CDH13: variants seen among roughly 807,000 people sequenced by gnomAD.
The protein encoded by CDH13 is cadherin-13.
A neutral mutation model predicts 63.8 loss-of-function variants in CDH13; 24 were observed. The ratio of observed to expected loss-of-function variants is 0.38; its 90% CI spans 0.27 to 0.53. The LOEUF is 0.53. CDH13 is among the 20% of genes least tolerant of loss of function. The pLI is 0.85. For missense variants in CDH13, 1,049 were observed against 903.1 expected (o/e 1.16, Z -2.07); for synonymous variants, 503 against 355.3 (o/e 1.42, Z -4.67).
intron 4 of CDH13, among the ~76,000 whole-genome samples, chr16:83,157,979 G>A (rs2037283397): frequency 6.6e-6 from 1 of 152,020 alleles, no homozygotes; most frequent in South Asian, 2.1e-4. Flanking sequence ...GATTGTTCTA[G>A]AAAAGAGCAC....
At chr16:82,678,786 G>C (rs949544789) in intron 1 of CDH13, among the ~76,000 whole-genome samples, 2 of 152,154 alleles carry the variant, frequency 1.3e-5, no homozygotes, top group Admixed American at 1.3e-4. Flanking sequence ...AGTGTGGGAA[G>C]TTTCTCTCTT....
chr16:82,715,252 C>A (rs2032278915), intron 1 of CDH13, among the ~76,000 whole-genome samples: 1 of 151,980 alleles, frequency 6.6e-6, no homozygotes, highest in South Asian at 2.1e-4. Flanking sequence ...AAAAGCCAGT[C>A]TAATTCTATG....
intron 2 of CDH13, among the ~76,000 whole-genome samples, chr16:82,883,505 C>T (rs1402458429): frequency 6.6e-6 from 1 of 152,226 alleles, no homozygotes; most frequent in East Asian, 1.9e-4. Flanking sequence ...TCGACTATCT[C>T]AGCTGATTCT....
At chr16:82,947,755 C>T (rs1904886996) in intron 2 of CDH13, among the ~76,000 whole-genome samples, 1 of 152,084 alleles carries the variant, frequency 6.6e-6, no homozygotes, top group Non-Finnish European at 1.5e-5. Flanking sequence ...TGTTACTTTC[C>T]AGGCTTAGAG....
Position 83,482,869 on chromosome 16 carries a change from T to C in CDH13, c.782-3608T>C, listed in dbSNP as rs181243808. 4.5e-3 allele frequency among the ~76,000 whole-genome samples: 688 copies of C among 152,302 alleles called. 23 individuals are homozygous for C. The highest frequency in any genetic ancestry group is 1.0e-3 in the South Asian group (5 of 4,822). Reference sequence around the variant, plus strand: ...AGAGAGAGGGCTGTCCTGCGACCCTTTGTCCCACATTCTTTGGACAACTTA... The same window carrying C: ...AGAGAGAGGGCTGTCCTGCGACCCTCTGTCCCACATTCTTTGGACAACTTA... On this transcript the variant is annotated intron_variant, in intron 6 of 13. Transcript: ENST00000567109.
intron 6 of CDH13, among the ~76,000 whole-genome samples, chr16:83,366,816 C>G (rs145163404): frequency 1.3e-5 from 2 of 152,204 alleles, no homozygotes; most frequent in African/African-American, 4.8e-5. Context: ...GTGGTTGACA[C>G]TTAGGAACTC....
In CDH13 at chr16:83,329,366, T is replaced by C. The variant is rs1465237940; in HGVS notation, c.637-15496T>C. Among the ~76,000 whole-genome samples, 3 of 151,500 alleles carry C rather than the reference T, an allele frequency of 2.0e-5. No individual in the cohort carries two copies. The South Asian group carries it at 6.3e-4, about 32-fold the overall frequency. On this transcript the variant is annotated intron_variant, in intron 5 of 13. Coordinates refer to ENST00000567109, the MANE Select transcript of CDH13 (RefSeq NM_001257.5). ...TCAGCCTCCTGAGTAGCTGTGACTG[T>C]AGGCACGTGCCACCACACATGGCTA...
chr16:82,710,428 A>G (rs2031823232), intron 1 of CDH13, among the ~76,000 whole-genome samples: 1 of 144,408 alleles, frequency 6.9e-6, no homozygotes, highest in African/African-American at 2.5e-5. Flanking sequence ...CCTACTCGGG[A>G]GGCTGAGACA....
chr16:83,596,676 C>A (rs1182746784), intron 7 of CDH13, among the ~76,000 whole-genome samples: 1 of 152,088 alleles, frequency 6.6e-6, no homozygotes, highest in South Asian at 2.1e-4. Flanking sequence ...CTGGAAAAGG[C>A]TCTGAGGATC....
chr16:83,682,828 G>T (rs903352952), intron 10 of CDH13, among the ~76,000 whole-genome samples: 1 of 152,090 alleles, frequency 6.6e-6, no homozygotes, highest in Non-Finnish European at 1.5e-5. Context: ...TGAGAGACCG[G>T]GACCCTGAGA....
intron 7 of CDH13, among the ~76,000 whole-genome samples, chr16:83,554,280 G>A (rs149747884): frequency 8.5e-5 from 13 of 152,172 alleles, no homozygotes; most frequent in African/African-American, 3.1e-4. Context: ...AAAATCACAG[G>A]ATCCCTGGAG....
rs148444379 is a variant in CDH13 at position 82,642,623 on chromosome 16, C to T, written c.45+15486C>T. ...AGACTGTGCATTACGTAAGGCAAGACCTGTTTTCTCTGTTGTGTTCTGTTT... is the reference window on the plus strand; with the variant it reads ...AGACTGTGCATTACGTAAGGCAAGATCTGTTTTCTCTGTTGTGTTCTGTTT... On this transcript the variant is annotated intron_variant, in intron 1 of 13. Transcript: ENST00000567109. Among the ~76,000 whole-genome samples the T allele has an allele frequency of 8.5e-4, 130 of 152,236 alleles. 1 individual carries two copies. The highest frequency in any genetic ancestry group is 2.9e-3 in the African/African-American group (122 of 41,524).
chr16:83,354,944 A>G (rs1273377432), intron 6 of CDH13, among the ~76,000 whole-genome samples: 2 of 152,182 alleles, frequency 1.3e-5, no homozygotes, highest in African/African-American at 4.8e-5. Flanking sequence ...GGTAGCGGGG[A>G]CACAGACTGT....
chr16:83,495,410 C>G (rs960713159), intron 7 of CDH13, among the ~76,000 whole-genome samples: 3 of 152,240 alleles, frequency 2.0e-5, no homozygotes, highest in South Asian at 2.1e-4. Flanking sequence ...GTTGTGGAGA[C>G]TGAGGTTCTT....
At chr16:83,370,554 A>G (rs906412123) in intron 6 of CDH13, among the ~76,000 whole-genome samples, 1 of 152,100 alleles carries the variant, frequency 6.6e-6, no homozygotes, top group Admixed American at 6.5e-5. Context: ...TGTACAGATT[A>G]TTTCATCACC....
intron 7 of CDH13, among the ~76,000 whole-genome samples, chr16:83,554,309 A>C (rs1409538271): frequency 2.0e-5 from 3 of 152,204 alleles, no homozygotes; most frequent in Non-Finnish European, 4.4e-5. Flanking sequence ...ATGCACTGGC[A>C]GGCAACAGAA....
intron 1 of CDH13, among the ~76,000 whole-genome samples, chr16:82,841,805 G>A (rs531534279): frequency 7.2e-5 from 11 of 152,088 alleles, no homozygotes; most frequent in African/African-American, 2.7e-4. Context: ...CTAGAAATAG[G>A]AACTGGAATA....
chr16:83,011,319 C>G (rs997648970), intron 2 of CDH13, among the ~76,000 whole-genome samples: 1 of 152,134 alleles, frequency 6.6e-6, no homozygotes, highest in Non-Finnish European at 1.5e-5. Flanking sequence ...CTTGCAAAGT[C>G]TTAGCACACT....
intron 2 of CDH13, among the ~76,000 whole-genome samples, chr16:82,994,053 T>A (rs1911941011): frequency 6.6e-6 from 1 of 152,124 alleles, no homozygotes. Flanking sequence ...CTGGTGCTGG[T>A]CTCAGGGGAA....
Sources: gnomAD v4.1 joint callset for allele counts (sites outside exome capture counted in the v4.1 genomes callset) on GRCh38, gnomAD v4.1.1 for gene constraint, MANE v1.5 for transcripts, NCBI Gene and HGNC (gene_info 2026-07-23, HGNC 2026-07-21) for gene names.